The following NDUFA9 variants were observed in gnomAD, a reference collection of about 807,000 sequenced individuals.
NDUFA9 encodes NADH:ubiquinone oxidoreductase subunit A9.
NDUFA9 carries 23 observed loss-of-function variants against 45.9 expected under a neutral mutation model. The ratio of observed to expected loss-of-function variants is 0.50; its 90% CI spans 0.36 to 0.71. NDUFA9 has a LOEUF of 0.71. Ranked by LOEUF, NDUFA9 falls within the 30% of genes least tolerant of loss-of-function variation. The pLI, the probability that NDUFA9 is intolerant of heterozygous loss-of-function variation, is 0.00. For missense variants in NDUFA9, 466 were observed against 488.2 expected (o/e 0.95, Z 0.43); for synonymous variants, 176 against 170.5 (o/e 1.03, Z -0.25).
chr12:4,668,074 A>G (rs1945863925), intron 6 of NDUFA9, among the ~76,000 whole-genome samples: 3 of 152,136 alleles, frequency 2.0e-5, no homozygotes, highest in Admixed American at 2.0e-4. Flanking sequence ...TCTAGATATT[A>G]ACTAGATAGA....
chr12:4,670,907 A>G (rs1249689009), intron 8 of NDUFA9, among the ~76,000 whole-genome samples: 1 of 152,238 alleles, frequency 6.6e-6, no homozygotes, highest in African/African-American at 2.4e-5. Context: ...TGTGAACTTT[A>G]CTTGCTCTAG....
At chr12:4,678,348 A>G (rs1266715034) in intron 8 of NDUFA9, among the ~76,000 whole-genome samples, 1 of 152,136 alleles carries the variant, frequency 6.6e-6, no homozygotes, top group Non-Finnish European at 1.5e-5. Flanking sequence ...AACTATAATA[A>G]TTTTGGAAGG....
chr12:4,657,564 G>A (rs1945797614), intron 3 of NDUFA9, 184 bp from the exon 4 acceptor site: 1 of 572,520 alleles, frequency 1.7e-6, no homozygotes, highest in Non-Finnish European at 3.1e-6. Flanking sequence ...CGGAAAGAGT[G>A]AGGGAATCAG....
At chr12:4,686,883 C>G in intron 10 of NDUFA9, 55 bp from the exon 11 acceptor site, 22 of 1,546,404 alleles carry the variant, frequency 1.4e-5, no homozygotes, top group Non-Finnish European at 1.9e-5. Context: ...GCTAGGATAG[C>G]ACTTTGTTCT....
rs902143728 is a variant in NDUFA9 at position 4,668,178 on chromosome 12, C to T, written c.656-279C>T. The stretch of plus-strand genomic sequence containing the variant: ...GGTGCAGCTAGAGTCCAGTCTTGGT[C>T]GTAGCGATGCATTTAGCATTGCAGA... On this transcript the variant is annotated intron_variant, in intron 6 of 10. Transcript: ENST00000266544. Among the ~76,000 whole-genome samples, 5 of 152,126 alleles carry T rather than the reference C, an allele frequency of 3.3e-5. No individual in the cohort carries two copies. The East Asian group carries it at 7.7e-4, about 23-fold the overall frequency.
At chr12:4,682,538 G>A (rs1463868745) in intron 9 of NDUFA9, among the ~76,000 whole-genome samples, 1 of 152,206 alleles carries the variant, frequency 6.6e-6, no homozygotes, top group Non-Finnish European at 1.5e-5. Flanking sequence ...CAAAAGTGAA[G>A]ATGCAGTTCT....
intron 8 of NDUFA9, among the ~76,000 whole-genome samples, chr12:4,681,754 A>G (rs1355315505): frequency 6.6e-6 from 1 of 151,908 alleles, no homozygotes; most frequent in Non-Finnish European, 1.5e-5. Flanking sequence ...ATGCGTAATC[A>G]TGGATAAGTA....
At chr12:4,668,546 G>T in intron 7 of NDUFA9, 22 bp downstream of exon 7, 5 of 1,581,240 alleles carry the variant, frequency 3.2e-6, no homozygotes, top group South Asian at 1.1e-5. Context: ...GATGAAGGGG[G>T]TCAGAAAGGG....
rs1263688079 is a variant in NDUFA9, at chr12:4,686,953, A to G, written c.979A>G (p.Met327Val). The change falls in exon 11 of 11, where the codon ATG becomes GTG. Residue 327 changes from methionine to valine, a missense_variant. Transcript: ENST00000266544. Reference sequence around the variant, plus strand: ...TTATCCAAAGATGCACATCACAGACATGAAATTGCCTCACCTGCCTGGCTT... The same window carrying G: ...TTATCCAAAGATGCACATCACAGACGTGAAATTGCCTCACCTGCCTGGCTT... ...DKVERMHITD[M>V]KLPHLPGLED... The G allele has an allele frequency of 6.2e-7, 1 of 1,614,120 alleles. No individual in the cohort carries two copies. The highest frequency in any genetic ancestry group is 1.3e-5 in the African/African-American group (1 of 75,056).
At chr12:4,685,157 A>G in intron 9 of NDUFA9, 102 bp from the exon 10 acceptor site, 1 of 1,011,840 alleles carries the variant, frequency 9.9e-7, no homozygotes, top group Non-Finnish European at 1.6e-6. Flanking sequence ...ATCAGTTCAG[A>G]CTGCTCTACA....
chr12:4,659,246 T>G, intron 5 of NDUFA9, 69 bp downstream of exon 5: 1 of 1,391,578 alleles, frequency 7.2e-7, no homozygotes, highest in Non-Finnish European at 1.0e-6. Flanking sequence ...GAAACATGAT[T>G]TCAGTGAGAA....
At chr12:4,674,600 A>G (rs772909172) in intron 8 of NDUFA9, among the ~76,000 whole-genome samples, 6 of 152,250 alleles carry the variant, frequency 3.9e-5, no homozygotes, top group African/African-American at 7.2e-5. Flanking sequence ...TAAAGGGATC[A>G]ATGCAACAAG....
chr12:4,661,205 G>A (rs1046668407), intron 5 of NDUFA9, among the ~76,000 whole-genome samples: 7 of 152,202 alleles, frequency 4.6e-5, no homozygotes, highest in South Asian at 2.1e-4. Flanking sequence ...TTTATATACC[G>A]GGGTTTGTAG....
chr12:4,679,652 G>A (rs1945941113), intron 8 of NDUFA9, among the ~76,000 whole-genome samples: 1 of 152,168 alleles, frequency 6.6e-6, no homozygotes, highest in Non-Finnish European at 1.5e-5. Context: ...TTAGGCAAAG[G>A]GCAGATTGGA....
chr12:4,678,967 CT>C (rs2137483230), intron 8 of NDUFA9, among the ~76,000 whole-genome samples: 1 of 152,258 alleles, frequency 6.6e-6, no homozygotes, highest in African/African-American at 2.4e-5. Flanking sequence ...AAGATTTGCA[CT>C]TGAATTTTCA....
In NDUFA9 at chr12:4,681,867, C is replaced by T. The variant is rs576869995; in HGVS notation, c.801-338C>T. Among the ~76,000 whole-genome samples the T allele has an allele frequency of 2.0e-5, 3 of 151,994 alleles. No homozygotes were observed. In the South Asian group the frequency reaches 6.2e-4, roughly 31 times the overall value. On this transcript the variant is annotated intron_variant, in intron 8 of 10. Transcript: ENST00000266544. ...GCAATTGATAAAATAATTGTGATTA[C>T]ATGCAGTGTAATATGTTGTCATGAA...
At chr12:4,658,659 T>A (rs924353253) in intron 4 of NDUFA9, among the ~76,000 whole-genome samples, 3 of 152,258 alleles carry the variant, frequency 2.0e-5, no homozygotes, top group Admixed American at 6.5e-5. Flanking sequence ...ACTGGATTTC[T>A]AACTTAAAGT....
At chr12:4,673,619 GATAA>G (rs1422274673) in intron 8 of NDUFA9, among the ~76,000 whole-genome samples, 41 of 56,496 alleles carry the variant, frequency 7.3e-4, no homozygotes, top group Non-Finnish European at 1.4e-3. Context: ...GAAAAGACAA[GATAA>G]GAGACAAAAG....
Position 4,688,480 on chromosome 12 carries a change from GA to G in NDUFA9, c.*1389del, listed in dbSNP as rs541489554. 6.8e-5 allele frequency: 9 copies of G among 132,010 alleles called. No homozygotes were observed. The highest frequency in any genetic ancestry group is 2.2e-4 in the East Asian group (1 of 4,524). 8.2% of individuals were successfully genotyped at this position (132,010 alleles called of 1,614,324 possible). On this transcript the variant is annotated 3_prime_UTR_variant, in exon 11 of 11. Transcript: ENST00000266544. ...AGCTTGGACTGAAGATCCTGTCTCA[GA>G]AAAAAAAAAAAAAAAAGGCAGAATC... is the stretch of plus-strand genomic sequence containing the variant.
Sources: gnomAD v4.1 joint callset for allele counts (sites outside exome capture counted in the v4.1 genomes callset) on GRCh38, gnomAD v4.1.1 for gene constraint, MANE v1.5 for transcripts, NCBI Gene and HGNC (gene_info 2026-07-23, HGNC 2026-07-21) for gene names.